CNTNAP3: variants seen among roughly 807,000 people sequenced by gnomAD.
CNTNAP3 encodes the protein contactin-associated protein-like 3.
In CNTNAP3, 36 loss-of-function variants were observed where a neutral mutation model predicts 92.1. The ratio of observed to expected loss-of-function variants is 0.39; its 90% CI spans 0.30 to 0.52. The LOEUF (loss-of-function observed/expected upper bound fraction) is 0.52. CNTNAP3 is among the 20% of genes least tolerant of loss of function. The pLI is 0.76. For missense variants in CNTNAP3, 534 were observed against 1,069.6 expected (o/e 0.50, Z 6.98); for synonymous variants, 232 against 422.3 (o/e 0.55, Z 5.53).
chr9:39,082,421 C>A (rs527463381), intron 21 of CNTNAP3, among the ~76,000 whole-genome samples: 2 of 151,868 alleles, frequency 1.3e-5, no homozygotes, highest in South Asian at 4.2e-4. Context: ...CCTCATTTTA[C>A]CAATAAAGGA....
At chr9:39,122,857 A>G (rs1162116183) in intron 13 of CNTNAP3, among the ~76,000 whole-genome samples, 1 of 152,166 alleles carries the variant, frequency 6.6e-6, no homozygotes. Context: ...AACATGCAAG[A>G]AGAGATAGGT....
At chr9:39,110,333 C>T (rs532191627) in intron 14 of CNTNAP3, among the ~76,000 whole-genome samples, 213 of 152,172 alleles carry the variant, frequency 1.4e-3, no homozygotes, top group African/African-American at 4.0e-3. Flanking sequence ...GAGGTAGAGG[C>T]TGTAGTGAGC....
At chr9:39,116,512 G>A (rs1820862052) in intron 14 of CNTNAP3, among the ~76,000 whole-genome samples, 1 of 152,136 alleles carries the variant, frequency 6.6e-6, no homozygotes, top group Non-Finnish European at 1.5e-5. Flanking sequence ...ACAAAATATT[G>A]TACAAAACCA....
intron 12 of CNTNAP3, 136 bp downstream of exon 12, chr9:39,140,383 A>C: frequency 7.3e-7 from 1 of 1,373,180 alleles, no homozygotes. Flanking sequence ...GTTGACAACA[A>C]AATTAATAAA....
At chr9:39,150,428 C>T (rs1336979257) in intron 9 of CNTNAP3, among the ~76,000 whole-genome samples, 1 of 83,364 alleles carries the variant, frequency 1.2e-5, no homozygotes, top group Non-Finnish European at 2.4e-5. Context: ...TGTGTACTAC[C>T]ATTTATCTAA....
chr9:39,209,664 CCCCCTCCCCCCTTCT>C (rs1563902183), intron 3 of CNTNAP3, among the ~76,000 whole-genome samples: 1 of 38,434 alleles, frequency 2.6e-5, no homozygotes, highest in Non-Finnish European at 5.0e-5. Flanking sequence ...CTCCCCCTTC[CCCCCTCCCCCCTTCT>C]GCCCCTTCCT....
intron 4 of CNTNAP3, among the ~76,000 whole-genome samples, chr9:39,179,290 C>T (rs1321618274): frequency 2.4e-5 from 2 of 82,994 alleles, no homozygotes; most frequent in Non-Finnish European, 4.2e-5. Flanking sequence ...TCTCTCTACA[C>T]ACACACACAC....
intron 18 of CNTNAP3, among the ~76,000 whole-genome samples, chr9:39,097,178 T>A (rs1299850736): frequency 6.6e-6 from 1 of 152,140 alleles, no homozygotes; most frequent in Non-Finnish European, 1.5e-5. Context: ...CTTGGAGTTA[T>A]CAAAATTCTC....
intron 14 of CNTNAP3, 24 bp from the exon 15 acceptor site, chr9:39,109,311 T>C: frequency 6.2e-7 from 1 of 1,609,976 alleles, no homozygotes; most frequent in Non-Finnish European, 8.5e-7. Context: ...ACCGAAACCA[T>C]TAAAATTATT....
intron 9 of CNTNAP3, among the ~76,000 whole-genome samples, chr9:39,164,504 C>CA (rs1822132501): frequency 1.3e-5 from 1 of 74,414 alleles, no homozygotes; most frequent in South Asian, 5.2e-4. Flanking sequence ...TGTTTACATA[C>CA]AATTTTTATT....
intron 11 of CNTNAP3, among the ~76,000 whole-genome samples, chr9:39,141,862 TATCAATTGA>T (rs1325675285): frequency 6.6e-6 from 1 of 152,186 alleles, no homozygotes; most frequent in East Asian, 1.9e-4. Context: ...GTATAGTATA[TATCAATTGA>T]ATACAATTAA....
chr9:39,159,514 T>C (rs1276184717), intron 9 of CNTNAP3: 4 of 130,510 alleles, frequency 3.1e-5, no homozygotes, highest in African/African-American at 1.2e-4. Context: ...TGTATTTTTG[T>C]AGATACAGGG....
chr9:39,131,771 T>C (rs1018979298), intron 13 of CNTNAP3, among the ~76,000 whole-genome samples: 195 of 151,874 alleles, frequency 1.3e-3, no homozygotes, highest in African/African-American at 3.4e-3. Flanking sequence ...GGGGTTGCAG[T>C]GAGCAAAGAT....
At chr9:39,139,594 G>GC (rs1821522298) in intron 12 of CNTNAP3, among the ~76,000 whole-genome samples, 1 of 152,102 alleles carries the variant, frequency 6.6e-6, no homozygotes, top group Admixed American at 6.6e-5. Context: ...GAAACCTTTT[G>GC]TCAGCACAAT....
chr9:39,119,605 T>C (rs1820954132), intron 13 of CNTNAP3, among the ~76,000 whole-genome samples: 2 of 152,250 alleles, frequency 1.3e-5, no homozygotes, highest in African/African-American at 4.8e-5. Context: ...ATATTCCCCA[T>C]AAAGTAGTAA....
At chr9:39,112,311 A>T (rs1256968563) in intron 14 of CNTNAP3, among the ~76,000 whole-genome samples, 2 of 152,052 alleles carry the variant, frequency 1.3e-5, no homozygotes, top group East Asian at 3.8e-4. Flanking sequence ...TAGGGCCATA[A>T]GTTTGGGAGG....
chr9:39,091,069 T>C (rs2118440417), intron 18 of CNTNAP3, among the ~76,000 whole-genome samples: 1 of 152,216 alleles, frequency 6.6e-6, no homozygotes, highest in Non-Finnish European at 1.5e-5. Context: ...TTAGTTTTAA[T>C]AGTTCTAAGT....
intron 17 of CNTNAP3, among the ~76,000 whole-genome samples, chr9:39,101,509 A>G (rs1564072935): frequency 7.1e-6 from 1 of 141,016 alleles, no homozygotes; most frequent in Non-Finnish European, 1.6e-5. Context: ...AAACTAAAGG[A>G]AAGACTTCCA....
intron 10 of CNTNAP3, among the ~76,000 whole-genome samples, chr9:39,146,524 C>T (rs1322568707): frequency 6.7e-6 from 1 of 148,950 alleles, no homozygotes; most frequent in Non-Finnish European, 1.5e-5. Flanking sequence ...CCCGTCTTTA[C>T]TAAAAATACA....
Sources: allele counts gnomAD v4.1 joint callset (sites outside exome capture counted in the v4.1 genomes callset), GRCh38; gene constraint gnomAD v4.1.1; transcripts MANE v1.5; gene names NCBI Gene and HGNC (gene_info 2026-07-23, HGNC 2026-07-21).